The following NIPA2 variants were observed in gnomAD, a reference collection of about 807,000 sequenced individuals.
NIPA2 encodes NIPA magnesium transporter 2.
A neutral mutation model predicts 29.7 loss-of-function variants in NIPA2; 11 were observed. The observed-to-expected ratio is 0.37, with a 90% confidence interval of 0.23 to 0.61. The LOEUF (loss-of-function observed/expected upper bound fraction) is 0.61. Among genes scored for constraint, NIPA2 ranks in the 20% least tolerant of loss-of-function variants. NIPA2 has a pLI of 0.66. For synonymous variants in NIPA2, 183 were observed against 161.9 expected, an observed-to-expected ratio of 1.13 and a Z score of -0.99; for missense variants, 426 against 437.9, an observed-to-expected ratio of 0.97 and a Z score of 0.24.
At chr15:22,864,382 C>G (rs533740346) in intron 7 of NIPA2, among the ~76,000 whole-genome samples, 1 of 152,298 alleles carries the variant, frequency 6.6e-6, no homozygotes, top group East Asian at 1.9e-4. Context: ...TCTCGATCTT[C>G]TGACCTCATG....
intron 7 of NIPA2, among the ~76,000 whole-genome samples, chr15:22,862,049 C>CTCTTTTTTTTTTTTTTTTTTTTTTT (rs1555387456): frequency 9.6e-6 from 1 of 103,978 alleles, no homozygotes; most frequent in African/African-American, 3.8e-5. Flanking sequence ...ATGGGTCTCT[C>CTCTTTTTTTTTTTTTTTTTTTTTTT]TTTTTTTTTT....
chr15:22,861,396 G>C, intron 7 of NIPA2, among the ~76,000 whole-genome samples: 1 of 152,120 alleles, frequency 6.6e-6, no homozygotes, highest in East Asian at 1.9e-4. Context: ...AGCATCCTGG[G>C]GATTCCCTTC....
In NIPA2 at chr15:22,849,853, C is replaced by T. The variant is rs140557502; in HGVS notation, c.-93-1786C>T. ...CTGGGATTACATGTGTGAGCCACCGCGCCCGACCCAGTGTTTCAGTATTAT... is the reference window on the plus strand; with the variant it reads ...CTGGGATTACATGTGTGAGCCACCGTGCCCGACCCAGTGTTTCAGTATTAT... On this transcript the variant is annotated intron_variant, in intron 3 of 7. Transcript: ENST00000337451. Among the ~76,000 whole-genome samples the T allele has an allele frequency of 8.8e-3, 1,337 of 152,164 alleles. 67 individuals carry two copies. The highest frequency in any genetic ancestry group is 0.083 in the Admixed American group (1,260 of 15,258).
chr15:22,846,699 C>G (rs1165839935), intron 3 of NIPA2, among the ~76,000 whole-genome samples: 1 of 151,486 alleles, frequency 6.6e-6, no homozygotes, highest in African/African-American at 2.4e-5. Flanking sequence ...ACTTATGGTC[C>G]CAGCTACTTG....
At chr15:22,842,158 T>G (rs1315731853) in intron 2 of NIPA2, among the ~76,000 whole-genome samples, 1 of 152,212 alleles carries the variant, frequency 6.6e-6, no homozygotes, top group African/African-American at 2.4e-5. Context: ...GTTGTACCCC[T>G]GCTCCTAGAA....
At chr15:22,860,026 C>CT (rs11315074) in intron 6 of NIPA2, among the ~76,000 whole-genome samples, 10,341 of 139,030 alleles carry the variant, frequency 0.074, 693 homozygotes, top group African/African-American at 0.18. Context: ...GATAGAGATT[C>CT]TTTTTTTTTT....
chr15:22,854,856 T>G (rs1414237943), intron 5 of NIPA2, among the ~76,000 whole-genome samples: 2 of 152,190 alleles, frequency 1.3e-5, no homozygotes, highest in African/African-American at 4.8e-5. Flanking sequence ...CGTACCCTCA[T>G]AGTGCATTTA....
At chr15:22,859,386 G>A (rs1208253258) in intron 6 of NIPA2, among the ~76,000 whole-genome samples, 7 of 148,922 alleles carry the variant, frequency 4.7e-5, no homozygotes, top group East Asian at 4.1e-4. Flanking sequence ...TCCACCTCCC[G>A]GGTTCACACC....
intron 2 of NIPA2, among the ~76,000 whole-genome samples, chr15:22,841,766 C>T (rs1897155567): frequency 6.6e-6 from 1 of 152,192 alleles, no homozygotes; most frequent in African/African-American, 2.4e-5. Flanking sequence ...CTCGACCTCC[C>T]AAAGTGCTGG....
chr15:22,839,327 A>G (rs921823677), intron 1 of NIPA2, among the ~76,000 whole-genome samples: 3 of 152,080 alleles, frequency 2.0e-5, no homozygotes, highest in African/African-American at 7.2e-5. Context: ...CAATTGCTCA[A>G]AACTGTGTGT....
chr15:22,859,338 G>A (rs62008586), intron 6 of NIPA2, among the ~76,000 whole-genome samples: 62,000 of 135,786 alleles, frequency 0.46, 15,286 homozygotes, highest in Non-Finnish European at 0.56. Context: ...TGTCGCCCAC[G>A]CTGGAGTGCA....
intron 2 of NIPA2, among the ~76,000 whole-genome samples, chr15:22,840,296 TTTTTTG>T (rs1165271726): frequency 7.0e-6 from 1 of 143,502 alleles, no homozygotes; most frequent in African/African-American, 2.6e-5. Flanking sequence ...TATAGTTTTT[TTTTTTG>T]TTTTTTTTTT....
At position 22,854,472 on chromosome 15, in the gene NIPA2, C is replaced by T. The variant is rs530145377; in HGVS notation, c.196+1204C>T. Among the ~76,000 whole-genome samples, 34 of 146,852 alleles carry T rather than the reference C, an allele frequency of 2.3e-4. 1 individual carries two copies. The highest frequency in any genetic ancestry group is 1.5e-3 in the South Asian group (6 of 4,088). On this transcript the variant is annotated intron_variant, in intron 5 of 7. Transcript: ENST00000337451. ...AATTAAATTATTATTGGGCCGGGCG[C>T]GGTGGCTCACACCTGTAATCCCAGC... is the stretch of plus-strand genomic sequence containing the variant.
At chr15:22,842,892 A>G (rs1337630785) in intron 2 of NIPA2, among the ~76,000 whole-genome samples, 2 of 151,578 alleles carry the variant, frequency 1.3e-5, no homozygotes, top group African/African-American at 4.9e-5. Context: ...AGTCCCAGCT[A>G]CTCGGGAGGC....
rs2059136893 is a variant in NIPA2 at position 22,866,960 on chromosome 15, T to A, written c.*113T>A. The stretch of plus-strand genomic sequence containing the variant: ...ATAATGTTCTTTAAAGGCAATCTTT[T>A]TAAAGATTTCACTAATTTGGACCAA... On this transcript the variant is annotated 3_prime_UTR_variant, in exon 8 of 8. Coordinates refer to ENST00000337451, the MANE Select transcript of NIPA2 (RefSeq NM_030922.7). 9.4e-7 allele frequency: 1 copy of A among 1,063,588 alleles called. No homozygotes were observed. Among genetic ancestry groups the A allele is most frequent in the African/African-American group, 1.6e-5 (1 of 63,314 alleles). The allele number at this position is 1,063,588 out of a possible 1,614,324, so 65.9% of individuals were successfully genotyped here.
chr15:22,854,767 T>C (rs911471125), intron 5 of NIPA2, among the ~76,000 whole-genome samples: 5 of 151,830 alleles, frequency 3.3e-5, no homozygotes, highest in African/African-American at 1.2e-4. Flanking sequence ...ACAAAAAAAA[T>C]TATTATTGAC....
chr15:22,840,206 C>T (rs1462859098), intron 2 of NIPA2, among the ~76,000 whole-genome samples: 1 of 151,966 alleles, frequency 6.6e-6, no homozygotes, highest in East Asian at 1.9e-4. Context: ...AGGTGTGAGC[C>T]ACCGAGCCGG....
At chr15:22,846,820 A>T (rs11639304) in intron 3 of NIPA2, among the ~76,000 whole-genome samples, 3,447 of 54,522 alleles carry the variant, frequency 0.063, 70 homozygotes, top group South Asian at 0.17. Flanking sequence ...TGTCTCCAAA[A>T]TAATAATAAT....
chr15:22,857,440 C>CAA (rs397693126), intron 5 of NIPA2, among the ~76,000 whole-genome samples: 1,652 of 131,854 alleles, frequency 0.013, 15 homozygotes, highest in African/African-American at 0.02. Context: ...GACTCTGTCT[C>CAA]AAAAAAAAAA....
Sources: gnomAD v4.1 joint callset for allele counts (sites outside exome capture counted in the v4.1 genomes callset) on GRCh38, gnomAD v4.1.1 for gene constraint, MANE v1.5 for transcripts, NCBI Gene and HGNC (gene_info 2026-07-23, HGNC 2026-07-21) for gene names.